RPGRIP1L: variants seen among roughly 807,000 people sequenced by gnomAD.
The protein encoded by RPGRIP1L is protein fantom.
RPGRIP1L carries 131 observed loss-of-function variants against 160.4 expected under a neutral mutation model. That is an observed-to-expected ratio of 0.82 (90% CI 0.71 to 0.94). The LOEUF (loss-of-function observed/expected upper bound fraction) is 0.94, where lower values mean the gene tolerates loss of function less well. Among genes scored for constraint, RPGRIP1L ranks in the 40% least tolerant of loss-of-function variants. RPGRIP1L has a pLI of 0.00. For missense variants in RPGRIP1L, 1,522 were observed against 1,535.8 expected, an observed-to-expected ratio of 0.99 and a Z score of 0.15; for synonymous variants, 510 against 515.8, an observed-to-expected ratio of 0.99 and a Z score of 0.15.
chr16:53,671,270 A>G (rs1968696737), intron 9 of RPGRIP1L, among the ~76,000 whole-genome samples: 1 of 152,164 alleles, frequency 6.6e-6, no homozygotes, highest in Admixed American at 6.6e-5. Context: ...AATAAATGAT[A>G]GCAGTTTACT....
Position 53,601,979 on chromosome 16 carries a change from T to C in RPGRIP1L, c.*97A>G. The C allele has an allele frequency of 2.6e-6, 2 of 761,418 alleles. No homozygotes were observed. Among genetic ancestry groups the C allele is most frequent in the East Asian group, 2.7e-5 (1 of 37,342 alleles). The allele number at this position is 761,418 out of a possible 1,614,324, so 47.2% of individuals were successfully genotyped here. On this transcript the variant is annotated 3_prime_UTR_variant, in exon 27 of 27. Transcript: ENST00000647211. ...CCCGCTCCCAGCTTCCCATGAATTATAGATTATATACACCAGAGTAATTAC... is the reference window on the plus strand; with the variant it reads ...CCCGCTCCCAGCTTCCCATGAATTACAGATTATATACACCAGAGTAATTAC...
intron 4 of RPGRIP1L, among the ~76,000 whole-genome samples, chr16:53,690,382 G>C (rs1028479690): frequency 2.6e-5 from 4 of 152,116 alleles, no homozygotes; most frequent in Non-Finnish European, 4.4e-5. Context: ...ATTTTTAGTA[G>C]AGATGGGGTT....
chr16:53,658,843 G>A lies in RPGRIP1L; in HGVS notation c.1279C>T (p.Leu427=), dbSNP rs1967509296. The change falls in exon 11 of 27, where the codon CTA becomes TTA. Residue 427 remains leucine, a synonymous_variant. Coordinates refer to ENST00000647211, the MANE Select transcript of RPGRIP1L (RefSeq NM_015272.5). The part of the protein sequence containing the change: ...NEKLVQENRE[L]QLQYLEQKQQ... ...TTTTGTTCCAGATACTGTAACTGTA[G>A]TTCTCTATTCTCTTGAACGAGTTTT... 6.2e-7 allele frequency: 1 copy of A among 1,607,176 alleles called. No individual in the cohort carries two copies. Among genetic ancestry groups the A allele is most frequent in the African/African-American group, 1.3e-5 (1 of 74,818 alleles).
intron 6 of RPGRIP1L, among the ~76,000 whole-genome samples, chr16:53,682,303 C>A (rs566938464): frequency 5.8e-4 from 89 of 152,220 alleles, no homozygotes; most frequent in African/African-American, 2.1e-3. Context: ...TGCTTTAATT[C>A]TTGATGTGAC....
intron 3 of RPGRIP1L, among the ~76,000 whole-genome samples, chr16:53,692,726 T>C (rs769727452): frequency 1.3e-5 from 2 of 152,238 alleles, no homozygotes; most frequent in African/African-American, 4.8e-5. Flanking sequence ...GTGGGTTATA[T>C]CTGCAATCCA....
rs757876513 is a variant in RPGRIP1L at position 53,657,536 on chromosome 16, C to T, written c.1498G>A (p.Ala500Thr). 2.5e-6 allele frequency: 4 copies of T among 1,611,012 alleles called. No individual in the cohort carries two copies. Among genetic ancestry groups the T allele is most frequent in the East Asian group, 4.5e-5 (2 of 44,752 alleles). The change falls in exon 13 of 27, where the codon GCA (alanine) becomes ACA (threonine). Residue 500 changes from alanine to threonine, a missense_variant. Ala to Thr is a moderately conservative substitution (Grantham distance 58, BLOSUM62 0). Transcript: ENST00000647211. ...TCTTGCACCGTTTCTGCATGAGTTG[C>T]TTGCAGCTCTCTCATAGAGCGTTCT... The part of the protein sequence containing the change: ...DLERSMRELQ[A>T]THAETVQELE...
At chr16:53,607,788 G>A (rs1963779247) in intron 25 of RPGRIP1L, among the ~76,000 whole-genome samples, 1 of 152,078 alleles carries the variant, frequency 6.6e-6, no homozygotes, top group Admixed American at 6.5e-5. Flanking sequence ...AGAAAAATGA[G>A]ATGTCAAAAA....
chr16:53,602,154 G>T lies in RPGRIP1L; in HGVS notation c.3870C>A (p.Gly1290=). The T allele has an allele frequency of 6.2e-7, 1 of 1,613,786 alleles. No homozygotes were observed. The highest frequency in any genetic ancestry group is 1.1e-5 in the South Asian group (1 of 91,064). ...FDARADGEGI[G]KLRVTVEALH... ...GAGCTTCGACTGTTACCCTGAGCTT[G>T]CCAATACCTTCACCATCTGCTCGTG... Residue 1290 remains glycine, a synonymous_variant, in exon 27 of 27, where the codon GGC becomes GGA. Transcript: ENST00000647211.
intron 16 of RPGRIP1L, 85 bp downstream of exon 16, chr16:53,648,879 A>C (rs947334115): frequency 1.6e-6 from 2 of 1,253,078 alleles, no homozygotes; most frequent in East Asian, 2.4e-5. Context: ...GGCTGTGAAA[A>C]TGATTTTAGT....
At chr16:53,609,417 A>G (rs906840927) in intron 25 of RPGRIP1L, among the ~76,000 whole-genome samples, 1 of 152,078 alleles carries the variant, frequency 6.6e-6, no homozygotes, top group Non-Finnish European at 1.5e-5. Context: ...TTCTTAATCT[A>G]TTCTGGTACA....
At chr16:53,696,955 G>A (rs1277378018) in intron 2 of RPGRIP1L, among the ~76,000 whole-genome samples, 1 of 152,090 alleles carries the variant, frequency 6.6e-6, no homozygotes, top group Admixed American at 6.5e-5. Context: ...GCACTTTGGG[G>A]GGCTGGGGCG....
At chr16:53,605,812 G>C (rs1963645450) in intron 25 of RPGRIP1L, among the ~76,000 whole-genome samples, 198 bp from the exon 26 acceptor site, 1 of 152,108 alleles carries the variant, frequency 6.6e-6, no homozygotes. Context: ...ACCTTCAAAT[G>C]AACACTAATC....
intron 11 of RPGRIP1L, 48 bp downstream of exon 11, chr16:53,658,722 ATT>A: frequency 8.0e-7 from 1 of 1,249,790 alleles, no homozygotes; most frequent in Non-Finnish European, 1.1e-6. Context: ...TGCATAAAAT[ATT>A]GAGATAAAAA....
chr16:53,692,440 C>G, intron 3 of RPGRIP1L, 76 bp from the exon 4 acceptor site: 1 of 1,365,336 alleles, frequency 7.3e-7, no homozygotes, highest in Non-Finnish European at 1.0e-6. Context: ...GGAACATAAT[C>G]ACTGTGAAGA....
In RPGRIP1L at chr16:53,598,760, C is replaced by A. The variant is rs1339829893; in HGVS notation, c.*3316G>T. On this transcript the variant is annotated 3_prime_UTR_variant, in exon 27 of 27. Transcript: ENST00000647211. ...TTTCTTTGTTAAGGTAGTCAGAGGC[C>A]TTCAGGCATGAGTGACTTATTAAAA... 6.6e-6 allele frequency: 1 copy of A among 152,122 alleles called. No homozygotes were observed. Among genetic ancestry groups the A allele is most frequent in the Non-Finnish European group, 1.5e-5 (1 of 68,028 alleles). The allele number at this position is 152,122 out of a possible 1,614,324, so 9.4% of individuals were successfully genotyped here. A position where few individuals can be genotyped will look rare whatever the true frequency, so the allele number is the denominator to read the frequency against.
At chr16:53,670,912 T>C (rs1325850763) in intron 9 of RPGRIP1L, among the ~76,000 whole-genome samples, 2 of 151,944 alleles carry the variant, frequency 1.3e-5, no homozygotes, top group Admixed American at 6.6e-5. Flanking sequence ...CTGAGCAACA[T>C]AGAAAGAACT....
chr16:53,602,228 C>T lies in RPGRIP1L; in HGVS notation c.3836-40G>A. 4 of 1,395,492 alleles carry T rather than the reference C, an allele frequency of 2.9e-6. No individual in the cohort carries two copies. The Admixed American group carries it at 5.1e-5, about 18-fold the overall frequency. The allele number at this position is 1,395,492 out of a possible 1,614,324, so 86.4% of individuals were successfully genotyped here. On this transcript the variant is annotated intron_variant, in intron 26 of 26. Coordinates refer to ENST00000647211, the MANE Select transcript of RPGRIP1L (RefSeq NM_015272.5). The stretch of plus-strand genomic sequence containing the variant: ...GCAGGAAAGTGTTAATATCATTCAA[C>T]AGATTTTTCTTTGGAAAGGCTCGCA...
intron 4 of RPGRIP1L, among the ~76,000 whole-genome samples, chr16:53,688,374 C>T (rs1263259049): frequency 2.6e-5 from 4 of 151,876 alleles, no homozygotes; most frequent in Non-Finnish European, 5.9e-5. Flanking sequence ...ATTCATATTC[C>T]TTGCCCTTAA....
intron 2 of RPGRIP1L, among the ~76,000 whole-genome samples, chr16:53,700,235 C>A (rs1598432121): frequency 6.6e-6 from 1 of 151,622 alleles, no homozygotes; most frequent in Non-Finnish European, 1.5e-5. Flanking sequence ...GTGAGATATT[C>A]CACTTAAAAG....
Sources: allele counts gnomAD v4.1 joint callset (sites outside exome capture counted in the v4.1 genomes callset), GRCh38; gene constraint gnomAD v4.1.1; transcripts MANE v1.5; gene names NCBI Gene and HGNC (gene_info 2026-07-23, HGNC 2026-07-21).